The following RNF213 variants were observed in gnomAD, a reference collection of about 807,000 sequenced individuals.
RNF213 encodes the protein ring finger protein 213, also known as E3 ubiquitin-protein ligase RNF213.
Under a neutral mutation model 514.4 loss-of-function variants are expected in RNF213, and 341 were observed. That is an observed-to-expected ratio of 0.66 (90% confidence interval 0.61 to 0.73). The LOEUF is 0.73. Ranked by LOEUF, RNF213 falls within the 30% of genes least tolerant of loss-of-function variation. The pLI is 0.00. For missense variants in RNF213, 5,767 were observed against 6,615.6 expected (o/e 0.87, Z 4.45); for synonymous variants, 2,655 against 2,658.2 (o/e 1.00, Z 0.04).
At chr17:80,327,374 C>T (rs2046307083) in intron 18 of RNF213, among the ~76,000 whole-genome samples, 1 of 152,060 alleles carries the variant, frequency 6.6e-6, no homozygotes, top group African/African-American at 2.4e-5. Flanking sequence ...GTGCTGTGCA[C>T]CTGTGTTCCT....
Position 80,364,416 on chromosome 17 carries a change from G to T in RNF213, c.11751-17G>T. 6.2e-7 allele frequency: 1 copy of T among 1,613,916 alleles called. No homozygotes were observed. Among genetic ancestry groups the T allele is most frequent in the South Asian group, 1.1e-5 (1 of 91,006 alleles). On this transcript the variant is annotated splice_polypyrimidine_tract_variant and intron_variant, in intron 41 of 67. Transcript: ENST00000582970. The stretch of plus-strand genomic sequence containing the variant: ...TGGGAGCCGAGTGAGTGAGTGAGTG[G>T]CGCCCTCTTTTGACAGAGCCCAGTG...
At chr17:80,287,098 C>T (rs1426260647) in intron 3 of RNF213, among the ~76,000 whole-genome samples, 4 of 152,164 alleles carry the variant, frequency 2.6e-5, no homozygotes, top group Admixed American at 6.5e-5. Flanking sequence ...CGGTGGCTCA[C>T]GCGTGTAATC....
chr17:80,298,405 C>T lies in RNF213; in HGVS notation c.2097C>T (p.His699=), dbSNP rs1270487924. The T allele has an allele frequency of 5.6e-6, 9 of 1,614,216 alleles. No individual in the cohort carries two copies. Among genetic ancestry groups the T allele is most frequent in the Non-Finnish European group, 7.6e-6 (9 of 1,180,048 alleles). The change falls in exon 11 of 68, where the codon CAC becomes CAT. Residue 699 remains histidine, a synonymous_variant. Transcript: ENST00000582970. ...YTWLGALPVL[H]CCMELAPRHK... is the part of the protein sequence containing the mutation. ...GGCTGGGCGCCCTGCCTGTCCTGCACTGCTGTATGGAGCTGGCCCCGCGGC... is the reference window on the plus strand; with the variant it reads ...GGCTGGGCGCCCTGCCTGTCCTGCATTGCTGTATGGAGCTGGCCCCGCGGC...
At chr17:80,322,301 C>G (rs1442484610) in intron 17 of RNF213, among the ~76,000 whole-genome samples, 2 of 151,632 alleles carry the variant, frequency 1.3e-5, no homozygotes, top group African/African-American at 4.8e-5. Flanking sequence ...GCAGGGACTA[C>G]AGGCATGTGC....
intron 26 of RNF213, chr17:80,341,212 T>G (rs2078147024): frequency 6.6e-6 from 1 of 152,236 alleles, no homozygotes; most frequent in Non-Finnish European, 1.5e-5. Flanking sequence ...GTGCTGGGAT[T>G]ACAGGTGTGA....
At chr17:80,319,451 C>T (rs759579633) in intron 17 of RNF213, 139 bp downstream of exon 17, 7 of 1,614,234 alleles carry the variant, frequency 4.3e-6, no homozygotes, top group African/African-American at 1.3e-5. Context: ...ACCCTCCTCC[C>T]TCGCCAAGGG....
chr17:80,336,025 T>C (rs2077978895), intron 22 of RNF213, 136 bp from the exon 23 acceptor site: 3 of 690,936 alleles, frequency 4.3e-6, no homozygotes, highest in Non-Finnish European at 7.1e-6. Flanking sequence ...GGACTCTTAC[T>C]GAAAGCAGAA....
intron 58 of RNF213, 151 bp downstream of exon 58, chr17:80,383,221 G>A: frequency 1.5e-6 from 1 of 687,220 alleles, no homozygotes; most frequent in South Asian, 1.5e-5. Flanking sequence ...CCCACCTCGA[G>A]TCACTCCATC....
At position 80,288,801 on chromosome 17, in the gene RNF213, C is replaced by T. The variant is rs2044571503; in HGVS notation, c.933+46C>T. 6.2e-7 allele frequency: 1 copy of T among 1,613,154 alleles called. No individual in the cohort carries two copies. The highest frequency in any genetic ancestry group is 1.3e-5 in the African/African-American group (1 of 74,904). ...CCGGCTCCAGGAGGCCCTCTCCTGC[C>T]CACGGCTGCGCCTCTTTCATTTAAT... On this transcript the variant is annotated intron_variant, in intron 5 of 67. Coordinates refer to ENST00000582970, the MANE Select transcript of RNF213 (RefSeq NM_001256071.3). The surrounding 1 kb of genome is among the most constrained non-coding windows in gnomAD (Gnocchi z 4.9).
chr17:80,364,373 C>G, intron 41 of RNF213, 60 bp from the exon 42 acceptor site: 1 of 1,612,578 alleles, frequency 6.2e-7, no homozygotes, highest in Non-Finnish European at 8.5e-7. Flanking sequence ...CTCCTCGTTT[C>G]ACCCTTGGGT....
At chr17:80,329,642 A>G (rs1443150109) in intron 20 of RNF213, among the ~76,000 whole-genome samples, 1 of 152,190 alleles carries the variant, frequency 6.6e-6, no homozygotes. Flanking sequence ...CAGCCTGGGC[A>G]ACATAGCAAG....
In RNF213 at chr17:80,377,895, C is replaced by A; in HGVS notation, c.13545+99C>A. 1 of 1,327,064 alleles carries A rather than the reference C, an allele frequency of 7.5e-7. No homozygotes were observed. The highest frequency in any genetic ancestry group is 1.1e-6 in the Non-Finnish European group (1 of 919,918). 82.2% of individuals were successfully genotyped at this position (1,327,064 alleles called of 1,614,324 possible). A position where few individuals can be genotyped will look rare whatever the true frequency, so the allele number is the denominator to read the frequency against. On this transcript the variant is annotated intron_variant, in intron 54 of 67. Transcript: ENST00000582970. This position sits in a 1 kb window ranked among gnomAD's most constrained non-coding sequence, Gnocchi z 4.1. ...CAGGAGAGTGAGGCTCTCGGCCTTCCAGGAGAGCACAGGCTCACCGAGGAC... is the reference window on the plus strand; with the variant it reads ...CAGGAGAGTGAGGCTCTCGGCCTTCAAGGAGAGCACAGGCTCACCGAGGAC...
chr17:80,354,031 G>A lies in RNF213; in HGVS notation c.10591G>A (p.Asp3531Asn), dbSNP rs755091431. Residue 3531 changes from aspartate to asparagine, a missense_variant, in exon 35 of 68, where the codon GAC becomes AAC. Coordinates refer to ENST00000582970, the MANE Select transcript of RNF213 (RefSeq NM_001256071.3). ...TCTCCACCAACAGGTGTCGATCCTG[G>A]ACACCACCAGGCTGCTGAGAAGCTG... ...ELGGSDVSIL[D>N]TTRLLRSCVQ... The A allele has an allele frequency of 9.6e-5, 155 of 1,613,866 alleles. No individual in the cohort carries two copies. The highest frequency in any genetic ancestry group is 1.6e-4 in the Middle Eastern group (1 of 6,062).
chr17:80,304,740 T>C (rs2045299797), intron 11 of RNF213, among the ~76,000 whole-genome samples: 1 of 152,206 alleles, frequency 6.6e-6, no homozygotes, highest in African/African-American at 2.4e-5. Flanking sequence ...CAGTTTACCA[T>C]GTTAACTCCT....
rs752063380 is a variant in RNF213 at position 80,339,338 on chromosome 17, G to A, written c.4971G>A (p.Leu1657=). Residue 1657 remains leucine, a synonymous_variant, in exon 26 of 68, where the codon TTG becomes TTA. Coordinates refer to ENST00000582970, the MANE Select transcript of RNF213 (RefSeq NM_001256071.3). ...TGTCCCTCCAAATGGACTTTGGCTT[G>A]GACCTGGTGACGGAGCTTAAAGAAG... ...QGVSLQMDFG[L]DLVTELKEGG... is the part of the protein sequence containing the mutation. 1.3e-6 allele frequency: 2 copies of A among 1,537,252 alleles called. No homozygotes were observed. The highest frequency in any genetic ancestry group is 2.4e-5 in the South Asian group (2 of 84,062).
rs1568158814 is a variant in RNF213, at chr17:80,377,888, G to A, written c.13545+92G>A. ...CGTGGGTCAGGAGAGTGAGGCTCTC[G>A]GCCTTCCAGGAGAGCACAGGCTCAC... is the stretch of plus-strand genomic sequence containing the variant. On this transcript the variant is annotated intron_variant, in intron 54 of 67. Transcript: ENST00000582970. This position sits in a 1 kb window ranked among gnomAD's most constrained non-coding sequence, Gnocchi z 4.1. 15 of 1,425,266 alleles carry A rather than the reference G, an allele frequency of 1.1e-5. No individual in the cohort carries two copies. Among genetic ancestry groups the A allele is most frequent in the Admixed American group, 5.0e-5 (3 of 59,720 alleles). The allele number at this position is 1,425,266 out of a possible 1,614,324, so 88.3% of individuals were successfully genotyped here.
chr17:80,363,706 T>G lies in RNF213; in HGVS notation c.11666T>G (p.Leu3889Arg). Residue 3889 changes from leucine to arginine, a missense_variant, in exon 41 of 68, where the codon CTT (leucine) becomes CGT (arginine). Coordinates refer to ENST00000582970, the MANE Select transcript of RNF213 (RefSeq NM_001256071.3). The part of the protein sequence containing the change: ...PQAWLQLVKN[L>R]SMPLELICSD... Reference sequence around the variant, plus strand: ...GCGTGGCTACAGTTGGTGAAGAATCTTTCCATGCCGCTGGAGCTCATCTGC... The same window carrying G: ...GCGTGGCTACAGTTGGTGAAGAATCGTTCCATGCCGCTGGAGCTCATCTGC... 1 of 1,613,962 alleles carries G rather than the reference T, an allele frequency of 6.2e-7. No homozygotes were observed. The highest frequency in any genetic ancestry group is 8.5e-7 in the Non-Finnish European group (1 of 1,179,970).
intron 65 of RNF213, 28 bp from the exon 66 acceptor site, chr17:80,389,800 C>G (rs753242068): frequency 1.3e-6 from 2 of 1,595,472 alleles, no homozygotes; most frequent in East Asian, 4.5e-5. Flanking sequence ...ACCTCAGCCC[C>G]CACTCAGGAA....
rs760999376 is a variant in RNF213, at chr17:80,385,139, C to T, written c.14423C>T (p.Ser4808Phe). The change falls in exon 60 of 68, where the codon TCC (serine) becomes TTC (phenylalanine). Residue 4808 changes from serine (S) to phenylalanine (F), a missense_variant. Physicochemically the swap from Ser to Phe is radical, Grantham distance 155. Transcript: ENST00000582970. The stretch of plus-strand genomic sequence containing the variant: ...AACGTCCAGCAAGTTGAATACAGCT[C>T]CATCAGAGGCTTCCTCAGCAAGCAC... ...FQNVQQVEYSSIRGFLSKHSS... is the reference protein window; with the variant it reads ...FQNVQQVEYSFIRGFLSKHSS... The T allele has an allele frequency of 6.2e-7, 1 of 1,614,122 alleles. No individual in the cohort carries two copies. Among genetic ancestry groups the T allele is most frequent in the Admixed American group, 1.7e-5 (1 of 60,014 alleles).
Sources: gnomAD v4.1 joint callset for allele counts (sites outside exome capture counted in the v4.1 genomes callset) on GRCh38, gnomAD v4.1.1 for gene constraint, Gnocchi (gnomAD v3.1) non-coding constraint, MANE v1.5 for transcripts, NCBI Gene and HGNC (gene_info 2026-07-23, HGNC 2026-07-21) for gene names.